ARMC9: variants seen among roughly 807,000 people sequenced by gnomAD.
ARMC9 encodes the protein armadillo repeat containing 9.
Under a neutral mutation model 107.0 loss-of-function variants are expected in ARMC9, and 94 were observed. The ratio of observed to expected loss-of-function variants is 0.88; its 90% confidence interval spans 0.74 to 1.04. ARMC9 has a LOEUF of 1.04. ARMC9 is among the 50% of genes least tolerant of loss of function. ARMC9 has a pLI of 0.00. For synonymous variants in ARMC9, 380 were observed against 396.9 expected, an observed-to-expected ratio of 0.96 and a Z score of 0.51; for missense variants, 942 against 1,030.1, an observed-to-expected ratio of 0.91 and a Z score of 1.17.
intron 9 of ARMC9, among the ~76,000 whole-genome samples, chr2:231,246,452 G>A (rs1220784044): frequency 6.6e-6 from 1 of 152,150 alleles, no homozygotes; most frequent in Non-Finnish European, 1.5e-5. Flanking sequence ...AAGAGCGTGT[G>A]GTGTTAGGTT....
At position 231,375,537 on chromosome 2, in the gene ARMC9, T is replaced by C. The variant is rs1007228947; in HGVS notation, c.*4002T>C. 2.0e-5 allele frequency among the ~76,000 whole-genome samples: 3 copies of C among 152,216 alleles called. No homozygotes were observed. Among genetic ancestry groups the C allele is most frequent in the African/African-American group, 7.2e-5 (3 of 41,448 alleles). On this transcript the variant is annotated 3_prime_UTR_variant, in exon 25 of 25. Transcript: ENST00000611582. The surrounding 1 kb of genome is among the most constrained non-coding windows in gnomAD (Gnocchi z 4.3). Reference sequence around the variant, plus strand: ...GTATACCCTCTCCATTTAGATTCAATTGAACAAATATATTCTTTGGGGCTG... The same window carrying C: ...GTATACCCTCTCCATTTAGATTCAACTGAACAAATATATTCTTTGGGGCTG...
At chr2:231,250,647 G>C (rs1273948458) in intron 9 of ARMC9, among the ~76,000 whole-genome samples, 1 of 152,186 alleles carries the variant, frequency 6.6e-6, no homozygotes. Flanking sequence ...TGGAGGATGG[G>C]GGGTGAAGGA....
intron 8 of ARMC9, among the ~76,000 whole-genome samples, chr2:231,236,535 G>T (rs1401785165): frequency 6.6e-6 from 1 of 152,130 alleles, no homozygotes; most frequent in Non-Finnish European, 1.5e-5. Flanking sequence ...AGTGGCTCAC[G>T]CCTGTAATCC....
In ARMC9 at chr2:231,207,859, C is replaced by A. The variant is rs1051777082; in HGVS notation, c.52-268C>A. Among the ~76,000 whole-genome samples the A allele has an allele frequency of 2.0e-5, 3 of 152,332 alleles. No homozygotes were observed. In the East Asian group the frequency reaches 5.8e-4, roughly 29 times the overall value. ...AATTTACAGTCTCACCAAGAGTGCACAAGTGTTTCCTTTTCTCCACATCCT... is the reference window on the plus strand; with the variant it reads ...AATTTACAGTCTCACCAAGAGTGCAAAAGTGTTTCCTTTTCTCCACATCCT... On this transcript the variant is annotated intron_variant, in intron 2 of 24. Coordinates refer to ENST00000611582, the MANE Select transcript of ARMC9 (RefSeq NM_001352754.2).
chr2:231,227,879 C>T (rs934634396), intron 7 of ARMC9, among the ~76,000 whole-genome samples: 1 of 152,240 alleles, frequency 6.6e-6, no homozygotes, highest in African/African-American at 2.4e-5. Flanking sequence ...GCTGACCCTT[C>T]TGTCGCTCAG....
At position 231,355,799 on chromosome 2, in the gene ARMC9, G is replaced by T; in HGVS notation, c.1996G>T (p.Val666Leu). 3 of 1,531,790 alleles carry T rather than the reference G, an allele frequency of 2.0e-6. No homozygotes were observed. Among genetic ancestry groups the T allele is most frequent in the South Asian group, 2.4e-5 (2 of 83,778 alleles). The allele number at this position is 1,531,790 out of a possible 1,614,324, so 94.9% of individuals were successfully genotyped here. A position where few individuals can be genotyped will look rare whatever the true frequency, so the allele number is the denominator to read the frequency against. Residue 666 changes from valine (V) to leucine (L), a missense_variant and splice_region_variant, in exon 22 of 25, where the codon GTG (valine) becomes TTG (leucine). Transcript: ENST00000611582. ...PGGHRNGYPV[V>L]EDQHTPPQTA... ...GCCGTTTTTCATGTTTTTCTCCAGG[G>T]TGGAAGACCAACACACACCTCCCCA...
In ARMC9 at chr2:231,235,242, A is replaced by G. The variant is rs2035600148; in HGVS notation, c.641A>G (p.His214Arg). The G allele has an allele frequency of 6.2e-7, 1 of 1,612,184 alleles. No homozygotes were observed. Among genetic ancestry groups the G allele is most frequent in the African/African-American group, 1.3e-5 (1 of 74,884 alleles). ...TTCCTAGAAATCTTGCAGCAGCTCC[A>G]CCAGCAGCTGGTTGAAGCTGAACGT... The part of the protein sequence containing the change: ...QSNKEILQQL[H>R]QQLVEAERRS... Residue 214 changes from histidine to arginine, a missense_variant, in exon 8 of 25, where the codon CAC (histidine) becomes CGC (arginine). Physicochemically the swap from His to Arg is conservative, Grantham distance 29. Transcript: ENST00000611582.
chr2:231,296,757 T>C (rs1369606366), intron 19 of ARMC9, among the ~76,000 whole-genome samples: 2 of 152,230 alleles, frequency 1.3e-5, no homozygotes, highest in East Asian at 1.9e-4. Context: ...CCTGGTGTTT[T>C]AGAGCATGAA....
chr2:231,318,446 G>C (rs990752682), intron 19 of ARMC9, among the ~76,000 whole-genome samples: 2 of 152,178 alleles, frequency 1.3e-5, no homozygotes, highest in African/African-American at 4.8e-5. Flanking sequence ...TTTTCTGCAT[G>C]TACCTGTAGT....
At position 231,212,200 on chromosome 2, in the gene ARMC9, A is replaced by G. The variant is rs566463870; in HGVS notation, c.178-2631A>G. 2.0e-5 allele frequency among the ~76,000 whole-genome samples: 3 copies of G among 152,304 alleles called. No homozygotes were observed. In the South Asian group the frequency reaches 6.2e-4, roughly 32 times the overall value. ...GTCTACAAGTTACTATTGATGGTGT[A>G]CACATTTTCTCATCTTGTTGATTCT... On this transcript the variant is annotated intron_variant, in intron 3 of 24. Coordinates refer to ENST00000611582, the MANE Select transcript of ARMC9 (RefSeq NM_001352754.2).
chr2:231,284,858 T>C (rs890505712), intron 17 of ARMC9, among the ~76,000 whole-genome samples: 4 of 152,166 alleles, frequency 2.6e-5, no homozygotes, highest in African/African-American at 9.7e-5. Flanking sequence ...GGGCTATTCT[T>C]TTGAAAAATA....
At chr2:231,319,930 G>A (rs2042907016) in intron 19 of ARMC9, among the ~76,000 whole-genome samples, 1 of 152,076 alleles carries the variant, frequency 6.6e-6, no homozygotes, top group Admixed American at 6.5e-5. Context: ...TCTCTCCCCA[G>A]AATTAACCAC....
At chr2:231,305,178 C>G (rs2041972994) in intron 19 of ARMC9, among the ~76,000 whole-genome samples, 1 of 152,206 alleles carries the variant, frequency 6.6e-6, no homozygotes, top group African/African-American at 2.4e-5. Flanking sequence ...ACTCTATCTA[C>G]CTGTCATCTA....
rs564026769 is a variant in ARMC9 at position 231,199,140 on chromosome 2, T to A, written c.-42+442T>A. 2.6e-5 allele frequency among the ~76,000 whole-genome samples: 4 copies of A among 152,366 alleles called. No individual in the cohort carries two copies. The South Asian group carries it at 8.3e-4, about 32-fold the overall frequency. On this transcript the variant is annotated intron_variant, in intron 1 of 24. Transcript: ENST00000611582. ...CTTAGGAAAAACAGGATGCGTGCTA[T>A]GCAGATTCGGCTTCCATACAAATCC...
chr2:231,326,335 T>C (rs2043315193), intron 19 of ARMC9, among the ~76,000 whole-genome samples: 2 of 152,244 alleles, frequency 1.3e-5, no homozygotes, highest in African/African-American at 4.8e-5. Context: ...TATGGAAATG[T>C]AAGGTGGGTT....
At chr2:231,247,430 C>A (rs2036873853) in intron 9 of ARMC9, among the ~76,000 whole-genome samples, 1 of 152,204 alleles carries the variant, frequency 6.6e-6, no homozygotes, top group Non-Finnish European at 1.5e-5. Context: ...TCAGCATCTT[C>A]AGCCCTTGCC....
intron 19 of ARMC9, among the ~76,000 whole-genome samples, chr2:231,309,705 A>G (rs1559441839): frequency 6.6e-6 from 1 of 151,624 alleles, no homozygotes; most frequent in Non-Finnish European, 1.5e-5. Flanking sequence ...CAGGCCATAT[A>G]CCACTTTTTA....
rs2046065603 is a variant in ARMC9, at chr2:231,372,655, G to T, written c.*1120G>T. The T allele has an allele frequency of 6.5e-6, 1 of 152,824 alleles. No homozygotes were observed. Among genetic ancestry groups the T allele is most frequent in the Non-Finnish European group, 1.4e-5 (1 of 69,076 alleles). The allele number at this position is 152,824 out of a possible 1,614,324, so 9.5% of individuals were successfully genotyped here. ...CCAGCAAGTCACAGGTGTCCTGGATGTTACCCAAGCTCTAAAATCAAATAA... is the reference window on the plus strand; with the variant it reads ...CCAGCAAGTCACAGGTGTCCTGGATTTTACCCAAGCTCTAAAATCAAATAA... On this transcript the variant is annotated 3_prime_UTR_variant, in exon 25 of 25. Transcript: ENST00000611582.
chr2:231,210,769 A>C (rs1478072788), intron 3 of ARMC9, among the ~76,000 whole-genome samples: 1 of 152,248 alleles, frequency 6.6e-6, no homozygotes, highest in Non-Finnish European at 1.5e-5. Context: ...TTGTGATTAA[A>C]GATAACATAA....
Sources: gnomAD v4.1 joint callset for allele counts (sites outside exome capture counted in the v4.1 genomes callset) on GRCh38, gnomAD v4.1.1 for gene constraint, Gnocchi (gnomAD v3.1) non-coding constraint, MANE v1.5 for transcripts, NCBI Gene and HGNC (gene_info 2026-07-23, HGNC 2026-07-21) for gene names.